VNN1: variants seen among roughly 807,000 people sequenced by gnomAD.
The protein encoded by VNN1 is pantetheinase.
Under a neutral mutation model 41.9 loss-of-function variants are expected in VNN1, and 29 were observed. The ratio of observed to expected loss-of-function variants is 0.69; its 90% CI spans 0.52 to 0.94. The LOEUF is 0.94. Among genes scored for constraint, VNN1 ranks in the 40% least tolerant of loss-of-function variants. The pLI is 0.00. For synonymous variants in VNN1, 233 were observed against 224.4 expected (o/e 1.04, Z -0.34); for missense variants, 637 against 621.1 (o/e 1.03, Z -0.27).
chr6:132,684,822 C>T lies in VNN1; in HGVS notation c.1189-317G>A, dbSNP rs45595740. On this transcript the variant is annotated intron_variant, in intron 5 of 6. Coordinates refer to ENST00000367928, the MANE Select transcript of VNN1 (RefSeq NM_004666.3). ...AATAATGTTACTTCTTCATTAGAGTCATCCAGTTTATCACTGAATAATTAA... is the reference window on the plus strand; with the variant it reads ...AATAATGTTACTTCTTCATTAGAGTTATCCAGTTTATCACTGAATAATTAA... Among the ~76,000 whole-genome samples the T allele has an allele frequency of 2.2e-3, 332 of 152,002 alleles. 3 individuals are homozygous for T. Among genetic ancestry groups the T allele is most frequent in the Admixed American group, 0.02 (309 of 15,290 alleles).
intron 4 of VNN1, 61 bp downstream of exon 4, chr6:132,692,962 GT>G (rs577691481): frequency 0.039 from 53,680 of 1,362,380 alleles, 1,021 homozygotes; most frequent in Non-Finnish European, 0.045. Context: ...AGAAAAACAT[GT>G]TTTTTTTTTC....
intron 5 of VNN1, 120 bp downstream of exon 5, chr6:132,692,103 C>T: frequency 8.6e-7 from 1 of 1,167,498 alleles, no homozygotes; most frequent in Non-Finnish European, 1.1e-6. Context: ...TTTTAGCATA[C>T]ATAAATCCCC....
intron 5 of VNN1, among the ~76,000 whole-genome samples, chr6:132,685,589 T>C (rs1399055758): frequency 6.6e-6 from 1 of 151,456 alleles, no homozygotes; most frequent in Non-Finnish European, 1.5e-5. Flanking sequence ...ATACAAAAAG[T>C]AGTAATTGAT....
At position 132,693,067 on chromosome 6, in the gene VNN1, A is replaced by G; in HGVS notation, c.783T>C (p.Asn261=). 1 of 1,613,890 alleles carries G rather than the reference A, an allele frequency of 6.2e-7. No individual in the cohort carries two copies. Residue 261 remains asparagine, a synonymous_variant, in exon 4 of 7, where the codon AAT becomes AAC. Coordinates refer to ENST00000367928, the MANE Select transcript of VNN1 (RefSeq NM_004666.3). The part of the protein sequence containing the change: ...HSAWAMGMRV[N]FLASNIHYPS... ...GGTAATGTATGTTGGATGCAAGGAA[A>G]TTGACCCTCATGCCCATAGCCCAAG... is the stretch of plus-strand genomic sequence containing the variant.
chr6:132,712,725 G>A (rs1422032250), intron 1 of VNN1, among the ~76,000 whole-genome samples: 2 of 152,134 alleles, frequency 1.3e-5, no homozygotes, highest in East Asian at 1.9e-4. Flanking sequence ...GAGCTAACCT[G>A]GGCACCTTCC....
chr6:132,682,154 A>G lies in VNN1; in HGVS notation c.*986T>C, dbSNP rs925104742. On this transcript the variant is annotated 3_prime_UTR_variant, in exon 7 of 7. Coordinates refer to ENST00000367928, the MANE Select transcript of VNN1 (RefSeq NM_004666.3). The stretch of plus-strand genomic sequence containing the variant: ...GGACTCTCTGGTTTTCTAATTCCAG[A>G]GGAATTCAATGATCTAATGGTTTCA... The G allele has an allele frequency of 3.3e-5, 5 of 152,254 alleles. No homozygotes were observed. Among genetic ancestry groups the G allele is most frequent in the Admixed American group, 6.5e-5 (1 of 15,282 alleles). The allele number at this position is 152,254 out of a possible 1,614,324, so 9.4% of individuals were successfully genotyped here.
Position 132,683,276 on chromosome 6 carries a change from G to A in VNN1, c.1406C>T (p.Pro469Leu). The A allele has an allele frequency of 1.2e-6, 2 of 1,613,778 alleles. No individual in the cohort carries two copies. Among genetic ancestry groups the A allele is most frequent in the East Asian group, 2.2e-5 (1 of 44,882 alleles). ...RLFSLKPTSGPVLTVTLFGRL... is the reference protein window; with the variant it reads ...RLFSLKPTSGLVLTVTLFGRL... The stretch of plus-strand genomic sequence containing the variant: ...CCCAAACAGAGTTACTGTTAAGACA[G>A]GTCCGGATGTTGGCTTCAGACTAAA... The change falls in exon 7 of 7, where the codon CCT becomes CTT. Residue 469 changes from proline (P) to leucine (L), a missense_variant. Transcript: ENST00000367928.
chr6:132,700,643 G>A (rs1778437682), intron 2 of VNN1, among the ~76,000 whole-genome samples: 1 of 152,148 alleles, frequency 6.6e-6, no homozygotes, highest in East Asian at 1.9e-4. Flanking sequence ...ACTCTGGGGA[G>A]GGTGGAGATG....
intron 2 of VNN1, among the ~76,000 whole-genome samples, chr6:132,694,517 A>T (rs1251995408): frequency 6.6e-6 from 1 of 152,126 alleles, no homozygotes; most frequent in Admixed American, 6.6e-5. Context: ...AATGACTTAC[A>T]TATCCCGTTT....
At chr6:132,694,443 A>G (rs1268820380) in intron 2 of VNN1, among the ~76,000 whole-genome samples, 5 of 152,188 alleles carry the variant, frequency 3.3e-5, no homozygotes, top group Admixed American at 2.6e-4. Flanking sequence ...CGTAATCTAT[A>G]GTCATATTTT....
intron 2 of VNN1, among the ~76,000 whole-genome samples, chr6:132,710,680 T>C (rs910266275): frequency 4.6e-5 from 7 of 152,220 alleles, no homozygotes; most frequent in African/African-American, 1.4e-4. Flanking sequence ...GCTTTATCCA[T>C]GTCCCTGCAA....
Position 132,680,989 on chromosome 6 carries a change from T to C in VNN1, c.*2151A>G, listed in dbSNP as rs1024450438. Among the ~76,000 whole-genome samples, 80 of 152,294 alleles carry C rather than the reference T, an allele frequency of 5.3e-4. No homozygotes were observed. The highest frequency in any genetic ancestry group is 1.9e-3 in the African/African-American group (78 of 41,568). On this transcript the variant is annotated 3_prime_UTR_variant, in exon 7 of 7. Coordinates refer to ENST00000367928, the MANE Select transcript of VNN1 (RefSeq NM_004666.3). ...AAAAGAAAAGGAAAACAATCCTATT[T>C]TTTAAATTACATTGCAATATATACA...
rs1204736854 is a variant in VNN1, at chr6:132,682,241, A to C, written c.*899T>G. ...TATTGGAGTCTTGAGGACCCAGACCAGCTGAATATTCTTACCAGGTAAGCC... is the reference window on the plus strand; with the variant it reads ...TATTGGAGTCTTGAGGACCCAGACCCGCTGAATATTCTTACCAGGTAAGCC... On this transcript the variant is annotated 3_prime_UTR_variant, in exon 7 of 7. Transcript: ENST00000367928. 6.6e-6 allele frequency: 1 copy of C among 152,270 alleles called. No individual in the cohort carries two copies. Among genetic ancestry groups the C allele is most frequent in the Non-Finnish European group, 1.5e-5 (1 of 68,060 alleles). 9.4% of individuals were successfully genotyped at this position (152,270 alleles called of 1,614,324 possible).
intron 5 of VNN1, among the ~76,000 whole-genome samples, chr6:132,686,393 A>G (rs1778208991): frequency 6.6e-6 from 1 of 152,208 alleles, no homozygotes; most frequent in East Asian, 1.9e-4. Flanking sequence ...GGTTGCAGTG[A>G]GCGGAAATCA....
At chr6:132,697,307 C>T (rs909657571) in intron 2 of VNN1, among the ~76,000 whole-genome samples, 6 of 151,806 alleles carry the variant, frequency 4.0e-5, no homozygotes, top group Non-Finnish European at 5.9e-5. Context: ...AAATAGAACA[C>T]GGAGTGTAGA....
rs1436974344 is a variant in VNN1 at position 132,683,151 on chromosome 6, A to G, written c.1531T>C (p.Leu511=). ...AAAAAGTCAATATTCTACCAACTTAATGAGCATACAATAGGTGCTATAACT... is the reference window on the plus strand; with the variant it reads ...AAAAAGTCAATATTCTACCAACTTAGTGAGCATACAATAGGTGCTATAACT... ...LIVIAPIVCS[L]SW Residue 511 remains leucine, a synonymous_variant, in exon 7 of 7, where the codon TTA becomes CTA. Coordinates refer to ENST00000367928, the MANE Select transcript of VNN1 (RefSeq NM_004666.3). 6 of 1,592,164 alleles carry G rather than the reference A, an allele frequency of 3.8e-6. No homozygotes were observed. Among genetic ancestry groups the G allele is most frequent in the Non-Finnish European group, 5.1e-6 (6 of 1,171,856 alleles).
At position 132,688,685 on chromosome 6, in the gene VNN1, A is replaced by G. The variant is rs367716807; in HGVS notation, c.1188+3538T>C. Among the ~76,000 whole-genome samples, 11 of 152,328 alleles carry G rather than the reference A, an allele frequency of 7.2e-5. 2 individuals are homozygous for G. Among genetic ancestry groups the G allele is most frequent in the Admixed American group, 6.5e-5 (1 of 15,304 alleles). Reference sequence around the variant, plus strand: ...TTAAAAATTTATATAGCAATATAATACCATATGAATGTCACATATATAAGG... The same window carrying G: ...TTAAAAATTTATATAGCAATATAATGCCATATGAATGTCACATATATAAGG... On this transcript the variant is annotated intron_variant, in intron 5 of 6. Coordinates refer to ENST00000367928, the MANE Select transcript of VNN1 (RefSeq NM_004666.3).
At chr6:132,706,778 G>A (rs1322074061) in intron 2 of VNN1, among the ~76,000 whole-genome samples, 3 of 151,764 alleles carry the variant, frequency 2.0e-5, no homozygotes, top group Non-Finnish European at 2.9e-5. Context: ...ATTCATAACC[G>A]GAATATGTAA....
chr6:132,684,921 T>C (rs1778186069), intron 5 of VNN1, among the ~76,000 whole-genome samples: 1 of 152,226 alleles, frequency 6.6e-6, no homozygotes. Flanking sequence ...AGATTAGCCC[T>C]GTAAAAGCAA....
Sources: gnomAD v4.1 joint callset for allele counts (sites outside exome capture counted in the v4.1 genomes callset) on GRCh38, gnomAD v4.1.1 for gene constraint, MANE v1.5 for transcripts, NCBI Gene and HGNC (gene_info 2026-07-23, HGNC 2026-07-21) for gene names.